The following DCDC2 variants were observed in gnomAD, a reference collection of about 807,000 sequenced individuals.
DCDC2 encodes doublecortin domain containing 2, also known as doublecortin domain-containing protein 2.
Under a neutral mutation model 50.2 loss-of-function variants are expected in DCDC2, and 40 were observed. The observed-to-expected ratio is 0.80, with a 90% CI of 0.62 to 1.04. The LOEUF (loss-of-function observed/expected upper bound fraction) is 1.04. Among genes scored for constraint, DCDC2 ranks in the 50% least tolerant of loss-of-function variants. The pLI is 0.00. For missense variants in DCDC2, 570 were observed against 581.9 expected, an observed-to-expected ratio of 0.98 and a Z score of 0.21; for synonymous variants, 234 against 210.6, an observed-to-expected ratio of 1.11 and a Z score of -0.96.
In DCDC2 at chr6:24,267,420, A is replaced by AAT. The variant is rs368023549; in HGVS notation, c.922+10627_922+10628dup. ...ATCGAAATATCTCATGTATCCCATA[A>AAT]ATATATATACCTACTATGTGCCCAT... On this transcript the variant is annotated intron_variant, in intron 7 of 9. Transcript: ENST00000378454. 1.7e-3 allele frequency among the ~76,000 whole-genome samples: 260 copies of AAT among 152,326 alleles called. 3 individuals are homozygous for AAT. Among genetic ancestry groups the AAT allele is most frequent in the African/African-American group, 6.0e-3 (248 of 41,566 alleles).
At chr6:24,375,488 C>T in the DCDC2 span, among the ~76,000 whole-genome samples, 2 of 151,968 alleles carry the variant, frequency 1.3e-5, no homozygotes, top group African/African-American at 4.8e-5. Context: ...CTAGGAGATA[C>T]GTATATATAT....
At chr6:24,376,950 A>G in the DCDC2 span, among the ~76,000 whole-genome samples, 3 of 152,174 alleles carry the variant, frequency 2.0e-5, no homozygotes, top group South Asian at 6.2e-4. Flanking sequence ...GGATCTGAAT[A>G]ATGAGATTCT....
chr6:24,251,214 G>A lies in DCDC2; in HGVS notation c.922+26835C>T, dbSNP rs146918189. On this transcript the variant is annotated intron_variant, in intron 7 of 9. Coordinates refer to ENST00000378454, the MANE Select transcript of DCDC2 (RefSeq NM_016356.5). ...TTTCCTAGCAAATCGCCTTGGTTGA[G>A]GCAAAACTGGACAGTTTCAGGGAAA... is the stretch of plus-strand genomic sequence containing the variant. 2.4e-3 allele frequency among the ~76,000 whole-genome samples: 371 copies of A among 152,232 alleles called. 1 individual carries two copies. Among genetic ancestry groups the A allele is most frequent in the African/African-American group, 8.6e-3 (357 of 41,540 alleles).
chr6:24,301,712 T>C lies in DCDC2; in HGVS notation c.557+3A>G. On this transcript the variant is annotated splice_donor_region_variant and intron_variant, in intron 4 of 9. Transcript: ENST00000378454. ...CTCCACTTACAAGATTGTTTTGACA[T>C]ACCTGTGAACAGCCCCGCTCCTCAG... 1 of 1,613,270 alleles carries C rather than the reference T, an allele frequency of 6.2e-7. No individual in the cohort carries two copies. The highest frequency in any genetic ancestry group is 2.2e-5 in the East Asian group (1 of 44,866).
chr6:24,334,809 A>G (rs148381410), intron 2 of DCDC2, among the ~76,000 whole-genome samples: 2,033 of 152,304 alleles, frequency 0.013, 28 homozygotes, highest in Non-Finnish European at 0.018. Flanking sequence ...TGTTCTCCCT[A>G]GACCAGACAT....
At chr6:24,219,890 C>A (rs1205536474) in intron 7 of DCDC2, among the ~76,000 whole-genome samples, 4 of 152,152 alleles carry the variant, frequency 2.6e-5, no homozygotes, top group Admixed American at 6.5e-5. Context: ...GTGCTCACAG[C>A]CCCTAGAGGC....
chr6:24,349,360 T>C (rs1332628953), intron 2 of DCDC2, among the ~76,000 whole-genome samples: 2 of 152,260 alleles, frequency 1.3e-5, no homozygotes, highest in Non-Finnish European at 2.9e-5. Context: ...TTTTGCTTAC[T>C]CTGCCCACTG....
the DCDC2 span, among the ~76,000 whole-genome samples, chr6:24,372,237 C>T: frequency 1.3e-5 from 2 of 152,172 alleles, no homozygotes; most frequent in East Asian, 1.9e-4. Flanking sequence ...CTGGCTAACA[C>T]GGTGAAACCC....
At chr6:24,358,494 T>C (rs1216267765), upstream of DCDC2, among the ~76,000 whole-genome samples, 1 of 128,624 alleles carries the variant, frequency 7.8e-6, no homozygotes, top group Non-Finnish European at 1.6e-5. Context: ...GAGACCAGCC[T>C]GACCCGGTCT....
At chr6:24,358,576 G>C (rs984913565), upstream of DCDC2, among the ~76,000 whole-genome samples, 2 of 143,716 alleles carry the variant, frequency 1.4e-5, no homozygotes, top group Non-Finnish European at 3.0e-5. Flanking sequence ...CAGCTATCTC[G>C]GAGGCTGAGG....
intron 7 of DCDC2, among the ~76,000 whole-genome samples, chr6:24,234,620 A>C (rs1490496134): frequency 6.6e-6 from 1 of 152,224 alleles, no homozygotes; most frequent in Non-Finnish European, 1.5e-5. Context: ...AAGTAAAATC[A>C]CAGGACTTGA....
At chr6:24,331,009 T>G (rs923234190) in intron 2 of DCDC2, among the ~76,000 whole-genome samples, 1 of 152,192 alleles carries the variant, frequency 6.6e-6, no homozygotes, top group Non-Finnish European at 1.5e-5. Context: ...AATGAAGGCT[T>G]CTTCCCTGTT....
chr6:24,188,646 T>C (rs1761252597), intron 8 of DCDC2, among the ~76,000 whole-genome samples: 1 of 152,216 alleles, frequency 6.6e-6, no homozygotes, highest in Non-Finnish European at 1.5e-5. Context: ...AGAACCTGTT[T>C]TCAGATAGAA....
rs1760789227 is a variant in DCDC2, at chr6:24,171,974, C to T, written c.*2756G>A. 2 of 152,194 alleles carry T rather than the reference C, an allele frequency of 1.3e-5. No homozygotes were observed. The highest frequency in any genetic ancestry group is 4.8e-5 in the African/African-American group (2 of 41,444). The allele number at this position is 152,194 out of a possible 1,614,324, so 9.4% of individuals were successfully genotyped here. ...AGCATCATAAGTTTTTCGTAGCACT[C>T]TCTCTAGAAAACAGTACATGAAGCC... is the stretch of plus-strand genomic sequence containing the variant. On this transcript the variant is annotated 3_prime_UTR_variant, in exon 10 of 10. Transcript: ENST00000378454.
chr6:24,293,271 A>G (rs1037018860), intron 4 of DCDC2, among the ~76,000 whole-genome samples: 1 of 152,190 alleles, frequency 6.6e-6, no homozygotes, highest in Non-Finnish European at 1.5e-5. Context: ...CTTCTTTTAT[A>G]TAACTGTTGT....
chr6:24,272,534 C>T (rs935497796), intron 7 of DCDC2, among the ~76,000 whole-genome samples: 2 of 151,990 alleles, frequency 1.3e-5, no homozygotes, highest in Admixed American at 6.6e-5. Flanking sequence ...AATGACAGCC[C>T]CATTAAAAAG....
chr6:24,255,661 G>A (rs1237825418), intron 7 of DCDC2, among the ~76,000 whole-genome samples: 5 of 152,036 alleles, frequency 3.3e-5, no homozygotes, highest in Non-Finnish European at 5.9e-5. Flanking sequence ...AAAGCACCTC[G>A]GAATGGCCAA....
chr6:24,366,642 G>A, the DCDC2 span, among the ~76,000 whole-genome samples: 1 of 152,226 alleles, frequency 6.6e-6, no homozygotes, highest in Non-Finnish European at 1.5e-5. Context: ...ACCTTGAGGA[G>A]CGTTGAACAG....
At chr6:24,268,253 G>A (rs1419941382) in intron 7 of DCDC2, among the ~76,000 whole-genome samples, 3 of 152,194 alleles carry the variant, frequency 2.0e-5, no homozygotes, top group Admixed American at 6.5e-5. Flanking sequence ...TTGGGAGGCT[G>A]AGGCAGATGG....
Sources: gnomAD v4.1 joint callset for allele counts (sites outside exome capture counted in the v4.1 genomes callset) on GRCh38, gnomAD v4.1.1 for gene constraint, MANE v1.5 for transcripts, NCBI Gene and HGNC (gene_info 2026-07-23, HGNC 2026-07-21) for gene names.